Variants in PPP1R9A observed in about 807,000 individuals in gnomAD.
PPP1R9A encodes the protein protein phosphatase 1 regulatory subunit 9A, also known as neurabin-1.
A neutral mutation model predicts 141.9 loss-of-function variants in PPP1R9A; 59 were observed. That is an observed-to-expected ratio of 0.42 (90% CI 0.34 to 0.52). The LOEUF is 0.52. PPP1R9A is among the 20% of genes least tolerant of loss of function. The pLI is 0.10. For missense variants in PPP1R9A, 1,444 were observed against 1,611.9 expected (o/e 0.90, Z 1.78); for synonymous variants, 500 against 569.7 (o/e 0.88, Z 1.74).
chr7:95,053,968 T>C (rs1689791371), intron 2 of PPP1R9A, among the ~76,000 whole-genome samples: 3 of 152,134 alleles, frequency 2.0e-5, no homozygotes, highest in Admixed American at 2.0e-4. Context: ...ACGTTTAGCC[T>C]AAAAAGAAAG....
chr7:95,185,019 CTTTTAAG>C (rs1347609290), intron 5 of PPP1R9A, among the ~76,000 whole-genome samples: 4 of 102,244 alleles, frequency 3.9e-5, no homozygotes, highest in Admixed American at 2.0e-4. Flanking sequence ...AGTAGTTCTA[CTTTTAAG>C]TTTTTTTTTT....
intron 2 of PPP1R9A, among the ~76,000 whole-genome samples, chr7:94,931,779 T>C (rs1233892959): frequency 6.6e-6 from 1 of 152,154 alleles, no homozygotes; most frequent in East Asian, 1.9e-4. Context: ...GGTTTCTCCA[T>C]GTTGGTCAGG....
chr7:95,271,498 TC>T (rs1802165365), intron 14 of PPP1R9A, among the ~76,000 whole-genome samples: 1 of 151,976 alleles, frequency 6.6e-6, no homozygotes, highest in Non-Finnish European at 1.5e-5. Context: ...AAATAGGAAA[TC>T]AGCAACATGA....
At chr7:95,060,440 T>C (rs1397362104) in intron 2 of PPP1R9A, among the ~76,000 whole-genome samples, 1 of 152,186 alleles carries the variant, frequency 6.6e-6, no homozygotes, top group Non-Finnish European at 1.5e-5. Flanking sequence ...AGAGTAGATA[T>C]GTAAAAGAAA....
At chr7:95,171,853 G>C (rs1338953942) in intron 5 of PPP1R9A, among the ~76,000 whole-genome samples, 1 of 151,438 alleles carries the variant, frequency 6.6e-6, no homozygotes, top group African/African-American at 2.4e-5. Flanking sequence ...TTTTTAAAAG[G>C]CATTAAAATA....
intron 2 of PPP1R9A, among the ~76,000 whole-genome samples, chr7:94,939,903 C>T (rs1795156187): frequency 6.6e-6 from 1 of 151,802 alleles, no homozygotes; most frequent in Admixed American, 6.6e-5. Context: ...CCTAAACACA[C>T]TATCTCTTCA....
At chr7:94,934,246 A>G (rs575049785) in intron 2 of PPP1R9A, among the ~76,000 whole-genome samples, 1 of 152,338 alleles carries the variant, frequency 6.6e-6, no homozygotes, top group South Asian at 2.1e-4. Context: ...ATCAGGGGTC[A>G]GTTAATGTGT....
At chr7:95,088,110 A>C (rs1444011592) in intron 2 of PPP1R9A, among the ~76,000 whole-genome samples, 1 of 151,980 alleles carries the variant, frequency 6.6e-6, no homozygotes, top group African/African-American at 2.4e-5. Flanking sequence ...GAGGGTTTAA[A>C]AATTGAAACC....
At chr7:95,070,535 C>T (rs1396110479) in intron 2 of PPP1R9A, among the ~76,000 whole-genome samples, 1 of 148,840 alleles carries the variant, frequency 6.7e-6, no homozygotes, top group Non-Finnish European at 1.5e-5. Context: ...CTATACAGAG[C>T]ACCCCACTTA....
chr7:95,134,886 C>G (rs1324880067), intron 4 of PPP1R9A, among the ~76,000 whole-genome samples: 1 of 152,108 alleles, frequency 6.6e-6, no homozygotes, highest in Non-Finnish European at 1.5e-5. Flanking sequence ...TCAATAATCT[C>G]TAGTCTTTGT....
intron 4 of PPP1R9A, among the ~76,000 whole-genome samples, chr7:95,147,096 T>A (rs181549507): frequency 6.6e-6 from 1 of 152,340 alleles, no homozygotes; most frequent in East Asian, 1.9e-4. Context: ...AGTATGGCCA[T>A]TTTCATGATA....
chr7:95,232,606 T>A (rs1006353200), intron 8 of PPP1R9A, among the ~76,000 whole-genome samples: 3 of 151,790 alleles, frequency 2.0e-5, no homozygotes, highest in Non-Finnish European at 4.4e-5. Flanking sequence ...TGGGAGAAAA[T>A]TTTTGCAATC....
chr7:95,273,223 C>A (rs566890307), intron 14 of PPP1R9A, among the ~76,000 whole-genome samples: 1 of 152,302 alleles, frequency 6.6e-6, no homozygotes, highest in Non-Finnish European at 1.5e-5. Context: ...TTGGCATCTT[C>A]CACATTAAGG....
intron 2 of PPP1R9A, among the ~76,000 whole-genome samples, chr7:95,005,328 G>A (rs948180272): frequency 1.3e-5 from 2 of 152,022 alleles, no homozygotes; most frequent in African/African-American, 4.8e-5. Flanking sequence ...GAGGATTTGT[G>A]AATACTGTAT....
At chr7:94,959,688 A>T (rs189334968) in intron 2 of PPP1R9A, among the ~76,000 whole-genome samples, 1 of 151,820 alleles carries the variant, frequency 6.6e-6, no homozygotes, top group East Asian at 1.9e-4. Context: ...CACAAGTCTC[A>T]ATCAGTTATT....
At chr7:95,250,611 A>G (rs1429102166) in intron 10 of PPP1R9A, among the ~76,000 whole-genome samples, 2 of 152,214 alleles carry the variant, frequency 1.3e-5, no homozygotes, top group East Asian at 1.9e-4. Context: ...ATGACTGACT[A>G]TTGGATGTGG....
chr7:94,962,249 C>T (rs854716), intron 2 of PPP1R9A, among the ~76,000 whole-genome samples: 55,482 of 151,766 alleles, frequency 0.37, 11,339 homozygotes, highest in Middle Eastern at 0.51. Context: ...CAAAAATGTG[C>T]TGCTGCTGAG....
At chr7:95,181,170 A>G (rs1475110289) in intron 5 of PPP1R9A, among the ~76,000 whole-genome samples, 1 of 147,442 alleles carries the variant, frequency 6.8e-6, no homozygotes, top group African/African-American at 2.5e-5. Context: ...TGATATATAT[A>G]TAGATATATC....
intron 2 of PPP1R9A, chr7:95,035,709 T>A (rs1352464336): frequency 6.6e-6 from 1 of 152,320 alleles, no homozygotes; most frequent in African/African-American, 2.4e-5. Flanking sequence ...TGGAGGTATG[T>A]TTTAATAACA....
Sources: allele counts gnomAD v4.1 joint callset (sites outside exome capture counted in the v4.1 genomes callset), GRCh38; gene constraint gnomAD v4.1.1; transcripts MANE v1.5; gene names NCBI Gene and HGNC (gene_info 2026-07-23, HGNC 2026-07-21).